Variants in PLCG2 observed in about 807,000 individuals in gnomAD.
PLCG2 encodes 1-phosphatidylinositol 4,5-bisphosphate phosphodiesterase gamma-2.
Under a neutral mutation model 175.6 loss-of-function variants are expected in PLCG2, and 69 were observed. The observed-to-expected ratio is 0.39, with a 90% CI of 0.32 to 0.48. PLCG2 has a LOEUF of 0.48. Among genes scored for constraint, PLCG2 ranks in the 20% least tolerant of loss-of-function variants. The pLI, the probability that PLCG2 is intolerant of heterozygous loss-of-function variation, is 0.91. For synonymous variants in PLCG2, 827 were observed against 624.0 expected (o/e 1.33, Z -4.85); for missense variants, 1,798 against 1,650.9 (o/e 1.09, Z -1.54).
intron 2 of PLCG2, among the ~76,000 whole-genome samples, chr16:81,837,716 T>A (rs1905598698): frequency 6.6e-6 from 1 of 150,516 alleles, no homozygotes; most frequent in Non-Finnish European, 1.5e-5. Context: ...CTTGATGCTG[T>A]GCATTTTTTT....
chr16:81,893,145 C>T (rs570546811), intron 11 of PLCG2, among the ~76,000 whole-genome samples: 1 of 152,310 alleles, frequency 6.6e-6, no homozygotes, highest in East Asian at 1.9e-4. Context: ...AGGCATGAGC[C>T]ATCGTGCTTG....
chr16:81,849,792 A>ACC (rs1906313556), intron 2 of PLCG2, among the ~76,000 whole-genome samples: 1 of 129,200 alleles, frequency 7.7e-6, no homozygotes, highest in Non-Finnish European at 1.8e-5. Context: ...AAAAAAAAAA[A>ACC]AAAAACCAAA....
chr16:81,890,927 C>T (rs1908601758), intron 10 of PLCG2, among the ~76,000 whole-genome samples: 1 of 152,166 alleles, frequency 6.6e-6, no homozygotes, highest in African/African-American at 2.4e-5. Flanking sequence ...CTTTGGGAGG[C>T]TGAGGCGGGT....
chr16:81,900,374 G>T (rs1464442337), intron 13 of PLCG2, among the ~76,000 whole-genome samples: 2 of 152,188 alleles, frequency 1.3e-5, no homozygotes, highest in Non-Finnish European at 2.9e-5. Context: ...CAGAGAAAAG[G>T]TGCATTCTGG....
chr16:81,923,496 C>G lies in PLCG2; in HGVS notation c.2319C>G (p.Thr773=), dbSNP rs375781279. Residue 773 remains threonine (T), a synonymous_variant, in exon 22 of 33, where the codon ACC becomes ACG. Transcript: ENST00000564138. The part of the protein sequence containing the change: ...SEINPSMPQR[T]VKALYDYKAK... ...GTTTTCCCTGAAAGCCTCAGAGAACCGTGAAAGCTCTGTATGACTACAAAG... is the reference window on the plus strand; with the variant it reads ...GTTTTCCCTGAAAGCCTCAGAGAACGGTGAAAGCTCTGTATGACTACAAAG... 3 of 1,610,542 alleles carry G rather than the reference C, an allele frequency of 1.9e-6. No homozygotes were observed. The highest frequency in any genetic ancestry group is 3.3e-5 in the Admixed American group (2 of 59,996).
At chr16:81,778,599 T>C (rs113211084), upstream of PLCG2, among the ~76,000 whole-genome samples, 1,135 of 152,220 alleles carry the variant, frequency 7.5e-3, 10 homozygotes, top group African/African-American at 0.026. Flanking sequence ...ACATCAATTG[T>C]CTGGGGTTCT....
chr16:81,830,195 C>A (rs892190351), intron 2 of PLCG2, among the ~76,000 whole-genome samples: 2 of 152,076 alleles, frequency 1.3e-5, no homozygotes, highest in African/African-American at 4.8e-5. Context: ...TGGCACGCAT[C>A]TGTGGTCCCA....
intron 2 of PLCG2, among the ~76,000 whole-genome samples, chr16:81,790,981 G>A: frequency 6.6e-6 from 1 of 152,196 alleles, no homozygotes; most frequent in East Asian, 1.9e-4. Flanking sequence ...CTAGAGTCAT[G>A]TGTTTGCTTT....
intron 2 of PLCG2, among the ~76,000 whole-genome samples, chr16:81,809,586 C>T (rs948217050): frequency 2.0e-5 from 3 of 152,150 alleles, no homozygotes; most frequent in African/African-American, 7.2e-5. Flanking sequence ...CTGGGGGAAC[C>T]CAGATGAAGA....
chr16:81,959,741 A>T lies in PLCG2; in HGVS notation c.*1743A>T, dbSNP rs558138638. The T allele has an allele frequency of 2.2e-3, 408 of 184,950 alleles. 3 individuals carry two copies. Among genetic ancestry groups the T allele is most frequent in the African/African-American group, 9.3e-3 (398 of 42,770 alleles). 11.5% of individuals were successfully genotyped at this position (184,950 alleles called of 1,614,324 possible). A position where few individuals can be genotyped will look rare whatever the true frequency, so the allele number is the denominator to read the frequency against. On this transcript the variant is annotated 3_prime_UTR_variant, in exon 33 of 33. Transcript: ENST00000564138. ...GGGATGAGTGCTGCAGGCACTCTGT[A>T]GCCAGGGCCCCATTAGCCTTTGGCC...
intron 7 of PLCG2, among the ~76,000 whole-genome samples, chr16:81,877,561 G>C (rs1243240560): frequency 1.3e-5 from 2 of 152,236 alleles, no homozygotes; most frequent in African/African-American, 4.8e-5. Context: ...AAGGCTCCAG[G>C]GAAGGATGTG....
rs182388156 is a variant in PLCG2, at chr16:81,808,266, C to G, written c.193+22084C>G. ...TTTCCAACGGGGCTACACTGTTTTG[C>G]ATTTGCCAAGGCCTGTTGGCTGTTT... On this transcript the variant is annotated intron_variant, in intron 2 of 32. Transcript: ENST00000564138. Among the ~76,000 whole-genome samples, 134 of 152,286 alleles carry G rather than the reference C, an allele frequency of 8.8e-4. 1 individual carries two copies. Among genetic ancestry groups the G allele is most frequent in the Admixed American group, 3.5e-3 (54 of 15,302 alleles).
intron 9 of PLCG2, among the ~76,000 whole-genome samples, chr16:81,888,810 C>G (rs572682928): frequency 3.9e-5 from 6 of 152,306 alleles, no homozygotes; most frequent in African/African-American, 1.4e-4. Context: ...ACCTATGGAC[C>G]AAATATAGCT....
At chr16:81,938,965 T>G (rs1910829131) in intron 29 of PLCG2, 50 bp downstream of exon 29, 1 of 1,064,210 alleles carries the variant, frequency 9.4e-7, no homozygotes, top group South Asian at 1.3e-5. Flanking sequence ...GGCCAGTGAA[T>G]CCTTTGTGGG....
rs1359731136 is a variant in PLCG2, at chr16:81,869,210, G to C, written c.480-4G>C. ...TGACAGAACTGGGTCTCCCTCTTTT[G>C]CAGCATCAGTCTCCGAGAGTTGAAG... On this transcript the variant is annotated splice_region_variant and splice_polypyrimidine_tract_variant and intron_variant, in intron 5 of 32. Transcript: ENST00000564138. 1.9e-6 allele frequency: 3 copies of C among 1,612,716 alleles called. No homozygotes were observed. Among genetic ancestry groups the C allele is most frequent in the South Asian group, 2.2e-5 (2 of 91,056 alleles).
At chr16:81,782,698 C>T (rs910723819) in intron 1 of PLCG2, among the ~76,000 whole-genome samples, 1 of 152,200 alleles carries the variant, frequency 6.6e-6, no homozygotes, top group African/African-American at 2.4e-5. Flanking sequence ...AAGTTTTTCT[C>T]TTCAGTGCTC....
At chr16:81,850,763 A>C (rs905115983) in intron 2 of PLCG2, among the ~76,000 whole-genome samples, 1 of 152,184 alleles carries the variant, frequency 6.6e-6, no homozygotes, top group African/African-American at 2.4e-5. Flanking sequence ...CCTGTGTTGC[A>C]TATCTCATTA....
intron 2 of PLCG2, among the ~76,000 whole-genome samples, chr16:81,818,909 C>CTTTTTTTTTTTTTTTTTTTTTTTT (rs1904673567): frequency 1.8e-5 from 1 of 54,372 alleles, no homozygotes; most frequent in African/African-American, 9.4e-5. Context: ...TTTTTTTTTA[C>CTTTTTTTTTTTTTTTTTTTTTTTT]TGTGGTGGGG....
intron 7 of PLCG2, among the ~76,000 whole-genome samples, chr16:81,880,427 G>C (rs1192537529): frequency 6.6e-6 from 1 of 152,170 alleles, no homozygotes; most frequent in Non-Finnish European, 1.5e-5. Context: ...GGCAAAGATA[G>C]AGAAATAGGC....
Sources: allele counts gnomAD v4.1 joint callset (sites outside exome capture counted in the v4.1 genomes callset), GRCh38; gene constraint gnomAD v4.1.1; transcripts MANE v1.5; gene names NCBI Gene and HGNC (gene_info 2026-07-23, HGNC 2026-07-21).